STAT1: variants seen among roughly 807,000 people sequenced by gnomAD.
STAT1 encodes signal transducer and activator of transcription 1.
Under a neutral mutation model 111.7 loss-of-function variants are expected in STAT1, and 24 were observed. That is an observed-to-expected ratio of 0.21 (90% CI 0.16 to 0.30). The LOEUF is 0.30. Among genes scored for constraint, STAT1 ranks in the 10% least tolerant of loss-of-function variants. The pLI, the probability that STAT1 is intolerant of heterozygous loss-of-function variation, is 1.00. For synonymous variants in STAT1, 332 were observed against 326.5 expected, an observed-to-expected ratio of 1.02 and a Z score of -0.18; for missense variants, 351 against 911.9, an observed-to-expected ratio of 0.38 and a Z score of 7.92.
rs1187208513 is a variant in STAT1 at position 191,009,059 on chromosome 2, G to A, written c.177C>T (p.Asp59=). ...ATTGATCATCCAGCTGTGACAGGAG[G>A]TCATGAAAACGGATGGTGGCAAATG... ...DVSFATIRFH[D]LLSQLDDQYS... is the part of the protein sequence containing the mutation. Residue 59 remains aspartate, a synonymous_variant, in exon 4 of 25, where the codon GAC becomes GAT. Transcript: ENST00000361099. The A allele has an allele frequency of 1.9e-6, 3 of 1,613,956 alleles. No individual in the cohort carries two copies. The highest frequency in any genetic ancestry group is 1.7e-5 in the Admixed American group (1 of 60,008).
At position 190,980,693 on chromosome 2, in the gene STAT1, T is replaced by C; in HGVS notation, c.1583-24A>G. 6.2e-7 allele frequency: 1 copy of C among 1,613,444 alleles called. No individual in the cohort carries two copies. Among genetic ancestry groups the C allele is most frequent in the Non-Finnish European group, 8.5e-7 (1 of 1,179,340 alleles). On this transcript the variant is annotated intron_variant, in intron 18 of 24. Transcript: ENST00000361099. The surrounding 1 kb of genome is among the most constrained non-coding windows in gnomAD (Gnocchi z 6.1). ...ACCTAAACAAATAAAAACCAGATTTTTCAGCAAACAGAAACTGATTCTAAA... is the reference window on the plus strand; with the variant it reads ...ACCTAAACAAATAAAAACCAGATTTCTCAGCAAACAGAAACTGATTCTAAA...
In STAT1 at chr2:191,008,869, A is replaced by T; in HGVS notation, c.273+94T>A. ...GTCTCTATTACTTCTCTAAATACCA[A>T]TAAGTGTGTGCTCAATTGTATTTGC... is the stretch of plus-strand genomic sequence containing the variant. On this transcript the variant is annotated intron_variant, in intron 4 of 24. Coordinates refer to ENST00000361099, the MANE Select transcript of STAT1 (RefSeq NM_007315.4). 2.2e-6 allele frequency: 3 copies of T among 1,357,044 alleles called. No homozygotes were observed. The South Asian group carries it at 3.8e-5, about 17-fold the overall frequency. The allele number at this position is 1,357,044 out of a possible 1,614,324, so 84.1% of individuals were successfully genotyped here.
Position 190,995,649 on chromosome 2 carries a change from C to T in STAT1, c.786-430G>A, listed in dbSNP as rs533787583. 4.2e-4 allele frequency among the ~76,000 whole-genome samples: 64 copies of T among 152,270 alleles called. No homozygotes were observed. The highest frequency in any genetic ancestry group is 1.4e-3 in the African/African-American group (60 of 41,536). The stretch of plus-strand genomic sequence containing the variant: ...GTGGGGACACGGCCAAACCATATGG[C>T]ATGGAAACCAACAAGTGGTTATATG... On this transcript the variant is annotated intron_variant, in intron 9 of 24. Coordinates refer to ENST00000361099, the MANE Select transcript of STAT1 (RefSeq NM_007315.4). The surrounding 1 kb of genome is among the most constrained non-coding windows in gnomAD (Gnocchi z 4.2).
In STAT1 at chr2:190,978,085, G is replaced by A. The variant is rs1692053094; in HGVS notation, c.1873+771C>T. 6.6e-6 allele frequency among the ~76,000 whole-genome samples: 1 copy of A among 151,886 alleles called. No individual in the cohort carries two copies. Among genetic ancestry groups the A allele is most frequent in the South Asian group, 2.1e-4 (1 of 4,828 alleles). ...AGTATTCCAGAAAAACAGGAGAAGAGGAATATTTCAGAAAAATAAATAGAA... is the reference window on the plus strand; with the variant it reads ...AGTATTCCAGAAAAACAGGAGAAGAAGAATATTTCAGAAAAATAAATAGAA... On this transcript the variant is annotated intron_variant, in intron 21 of 24. Coordinates refer to ENST00000361099, the MANE Select transcript of STAT1 (RefSeq NM_007315.4). This position sits in a 1 kb window ranked among gnomAD's most constrained non-coding sequence, Gnocchi z 6.1.
At chr2:190,994,928 AT>A (rs370945307) in intron 10 of STAT1, 132 bp downstream of exon 10, 49,680 of 110,100 alleles carry the variant, frequency 0.45, 10,507 homozygotes, top group Non-Finnish European at 0.51. Flanking sequence ...AAAAAAAAAA[AT>A]ATATATATAT....
chr2:190,989,682 G>GA lies in STAT1; in HGVS notation c.1038-9dup, dbSNP rs749267336. On this transcript the variant is annotated splice_polypyrimidine_tract_variant and intron_variant, in intron 11 of 24. Coordinates refer to ENST00000361099, the MANE Select transcript of STAT1 (RefSeq NM_007315.4). The surrounding 1 kb of genome is among the most constrained non-coding windows in gnomAD (Gnocchi z 5.0). ...TGCAATTTCACCAACAGTCTGGAAA[G>GA]AAAAATAAAAGCCATTACTTAAAAA... is the stretch of plus-strand genomic sequence containing the variant. 6 of 1,591,478 alleles carry GA rather than the reference G, an allele frequency of 3.8e-6. No individual in the cohort carries two copies. Among genetic ancestry groups the GA allele is most frequent in the Non-Finnish European group, 4.3e-6 (5 of 1,164,756 alleles).
At chr2:190,992,104 T>C (rs1210944448) in intron 10 of STAT1, among the ~76,000 whole-genome samples, 1 of 152,208 alleles carries the variant, frequency 6.6e-6, no homozygotes, top group African/African-American at 2.4e-5. Context: ...TGCAACAAAT[T>C]ACAATATTCT....
At chr2:191,009,363 G>A (rs1694953904) in intron 3 of STAT1, among the ~76,000 whole-genome samples, 1 of 152,062 alleles carries the variant, frequency 6.6e-6, no homozygotes, top group Non-Finnish European at 1.5e-5. Flanking sequence ...TCTCTGAAGG[G>A]GGAAAAGTCA....
At chr2:190,992,616 T>G in intron 10 of STAT1, 387 of 993,510 alleles carry the variant, frequency 3.9e-4, no homozygotes, top group Non-Finnish European at 4.6e-4. Context: ...TTTATTACTG[T>G]GAGAAAAGGA....
At chr2:191,010,707 T>C (rs1695054570) in intron 2 of STAT1, among the ~76,000 whole-genome samples, 1 of 152,246 alleles carries the variant, frequency 6.6e-6, no homozygotes, top group African/African-American at 2.4e-5. Context: ...TTTAAAAAGA[T>C]ATATTTTCTT....
Position 190,982,362 on chromosome 2 carries a change from A to T in STAT1, c.1582+21T>A. The T allele has an allele frequency of 6.2e-7, 1 of 1,613,734 alleles. No individual in the cohort carries two copies. The highest frequency in any genetic ancestry group is 8.5e-7 in the Non-Finnish European group (1 of 1,179,636). The stretch of plus-strand genomic sequence containing the variant: ...TATGAATTTCAATTTTTATAAACAT[A>T]ACAAGTTAATATGCATATACCAAGA... On this transcript the variant is annotated intron_variant, in intron 18 of 24. Coordinates refer to ENST00000361099, the MANE Select transcript of STAT1 (RefSeq NM_007315.4). The surrounding 1 kb of genome is among the most constrained non-coding windows in gnomAD (Gnocchi z 7.3).
Position 190,987,000 on chromosome 2 carries a change from A to G in STAT1, c.1127+39T>C, listed in dbSNP as rs1443014000. 2 of 1,611,392 alleles carry G rather than the reference A, an allele frequency of 1.2e-6. No homozygotes were observed. Among genetic ancestry groups the G allele is most frequent in the South Asian group, 1.1e-5 (1 of 91,016 alleles). On this transcript the variant is annotated intron_variant, in intron 13 of 24. Transcript: ENST00000361099. This position sits in a 1 kb window ranked among gnomAD's most constrained non-coding sequence, Gnocchi z 5.0. ...AAAGTCTTCCAACTATTAAATAAAT[A>G]AAAATATAGCACAGTATAGCGTAAA...
intron 6 of STAT1, 33 bp downstream of exon 6, chr2:191,001,041 C>G: frequency 1.3e-6 from 2 of 1,537,118 alleles, no homozygotes; most frequent in Non-Finnish European, 1.8e-6. Context: ...CAGAAAGTTT[C>G]AGAATAAATG....
chr2:191,011,343 G>A (rs16833172), intron 2 of STAT1, among the ~76,000 whole-genome samples: 10,384 of 152,188 alleles, frequency 0.068, 665 homozygotes, highest in African/African-American at 0.15. Flanking sequence ...ATGCTGGACC[G>A]TCAGGCAATG....
chr2:191,010,016 A>G lies in STAT1; in HGVS notation c.-1-12T>C, dbSNP rs755315864. 1 of 1,613,706 alleles carries G rather than the reference A, an allele frequency of 6.2e-7. No homozygotes were observed. Among genetic ancestry groups the G allele is most frequent in the Non-Finnish European group, 8.5e-7 (1 of 1,179,722 alleles). ...ACCACTGAGACATCCTATAGGGAAA[A>G]AGAATATACATTCTTTCTATGTATA... On this transcript the variant is annotated splice_polypyrimidine_tract_variant and intron_variant, in intron 2 of 24. Coordinates refer to ENST00000361099, the MANE Select transcript of STAT1 (RefSeq NM_007315.4).
Position 190,981,203 on chromosome 2 carries a change from C to T in STAT1, c.1583-534G>A, listed in dbSNP as rs1692363554. Among the ~76,000 whole-genome samples, 1 of 152,186 alleles carries T rather than the reference C, an allele frequency of 6.6e-6. No individual in the cohort carries two copies. The highest frequency in any genetic ancestry group is 2.1e-4 in the South Asian group (1 of 4,826). On this transcript the variant is annotated intron_variant, in intron 18 of 24. Coordinates refer to ENST00000361099, the MANE Select transcript of STAT1 (RefSeq NM_007315.4). The surrounding 1 kb of genome is among the most constrained non-coding windows in gnomAD (Gnocchi z 4.1). ...CCTTCCTCTGCTGCTCAGCAGAGCC[C>T]CCTCTCCCAAGGATCCTACAGAATT...
At position 190,989,747 on chromosome 2, in the gene STAT1, A is replaced by G; in HGVS notation, c.1038-73T>C. The G allele has an allele frequency of 2.7e-6, 3 of 1,129,832 alleles. No homozygotes were observed. Among genetic ancestry groups the G allele is most frequent in the Non-Finnish European group, 3.9e-6 (3 of 769,586 alleles). 70.0% of individuals were successfully genotyped at this position (1,129,832 alleles called of 1,614,324 possible). On this transcript the variant is annotated intron_variant, in intron 11 of 24. Transcript: ENST00000361099. This position sits in a 1 kb window ranked among gnomAD's most constrained non-coding sequence, Gnocchi z 5.0. ...AATTTATTTATTATGCCAATTCCCTATTAACGTTTAGATAAACTACTCCCC... is the reference window on the plus strand; with the variant it reads ...AATTTATTTATTATGCCAATTCCCTGTTAACGTTTAGATAAACTACTCCCC...
chr2:190,992,670 A>C, intron 10 of STAT1: 1 of 1,262,218 alleles, frequency 7.9e-7, no homozygotes, highest in Non-Finnish European at 1.0e-6. Flanking sequence ...CTGCTTGACC[A>C]GAGTGCTCTG....
intron 2 of STAT1, among the ~76,000 whole-genome samples, chr2:191,011,688 C>T (rs1243028148): frequency 6.6e-6 from 1 of 152,120 alleles, no homozygotes; most frequent in African/African-American, 2.4e-5. Flanking sequence ...ATGCTGTTCT[C>T]GTGATAATGA....
Sources: gnomAD v4.1 joint callset for allele counts (sites outside exome capture counted in the v4.1 genomes callset) on GRCh38, gnomAD v4.1.1 for gene constraint, Gnocchi (gnomAD v3.1) non-coding constraint, MANE v1.5 for transcripts, NCBI Gene and HGNC (gene_info 2026-07-23, HGNC 2026-07-21) for gene names.